The following PLEKHG4B variants were observed in gnomAD, a reference collection of about 807,000 sequenced individuals.
The protein encoded by PLEKHG4B is pleckstrin homology and RhoGEF domain containing G4B.
Under a neutral mutation model 121.3 loss-of-function variants are expected in PLEKHG4B, and 111 were observed. The ratio of observed to expected loss-of-function variants is 0.92; its 90% CI spans 0.78 to 1.07. The LOEUF (loss-of-function observed/expected upper bound fraction) is 1.07. Among genes scored for constraint, PLEKHG4B ranks in the 50% least tolerant of loss-of-function variants. The pLI is 0.00. For synonymous variants in PLEKHG4B, 738 were observed against 725.0 expected, an observed-to-expected ratio of 1.02 and a Z score of -0.29; for missense variants, 1,831 against 1,757.8, an observed-to-expected ratio of 1.04 and a Z score of -0.74.
chr5:170,154 T>C (rs1736495525), intron 14 of PLEKHG4B, among the ~76,000 whole-genome samples: 1 of 152,190 alleles, frequency 6.6e-6, no homozygotes, highest in Non-Finnish European at 1.5e-5. Flanking sequence ...AGTTTTTAAT[T>C]TACTCTGGAA....
intron 1 of PLEKHG4B, among the ~76,000 whole-genome samples, chr5:106,965 G>T (rs1579239007): frequency 6.6e-6 from 1 of 152,254 alleles, no homozygotes; most frequent in Non-Finnish European, 1.5e-5. Context: ...AGACTCATAT[G>T]CAGGATGCAG....
chr5:171,518 C>A, intron 16 of PLEKHG4B, 74 bp downstream of exon 16: 1 of 1,362,314 alleles, frequency 7.3e-7, no homozygotes. Flanking sequence ...GTCTTGGCCC[C>A]AGCAGCACAC....
In PLEKHG4B at chr5:137,861, G is replaced by C. The variant is rs1276466038; in HGVS notation, c.244-1622G>C. 2.0e-5 allele frequency among the ~76,000 whole-genome samples: 3 copies of C among 152,226 alleles called. No individual in the cohort carries two copies. Among genetic ancestry groups the C allele is most frequent in the African/African-American group, 7.2e-5 (3 of 41,462 alleles). On this transcript the variant is annotated intron_variant, in intron 2 of 19. Transcript: ENST00000637938. This position sits in a 1 kb window ranked among gnomAD's most constrained non-coding sequence, Gnocchi z 4.2. ...GGACCGGCAGGTACCTGTCTCTTCT[G>C]GGGTGAAACCTGTGGAGGGGATGGA...
chr5:129,715 G>C (rs1055138463), intron 2 of PLEKHG4B, among the ~76,000 whole-genome samples: 1 of 152,208 alleles, frequency 6.6e-6, no homozygotes, highest in Non-Finnish European at 1.5e-5. Context: ...AGCTCCCAAA[G>C]AGGAAATAAG....
chr5:122,752 A>G (rs1327496354), intron 2 of PLEKHG4B, among the ~76,000 whole-genome samples: 1 of 152,142 alleles, frequency 6.6e-6, no homozygotes, highest in Non-Finnish European at 1.5e-5. Context: ...ACACACAAAA[A>G]TGGAACCTAA....
rs140222947 is a variant in PLEKHG4B at position 120,110 on chromosome 5, A to G, written c.243+6662A>G. Among the ~76,000 whole-genome samples the G allele has an allele frequency of 3.9e-3, 601 of 152,244 alleles. 7 individuals are homozygous for G. The highest frequency in any genetic ancestry group is 0.014 in the African/African-American group (575 of 41,538). On this transcript the variant is annotated intron_variant, in intron 2 of 19. Transcript: ENST00000637938. ...GAATTTTTCTAAAACTTAACCAGTCATGGTGGGTGGTGCATGCCTGTGGTC... is the reference window on the plus strand; with the variant it reads ...GAATTTTTCTAAAACTTAACCAGTCGTGGTGGGTGGTGCATGCCTGTGGTC...
chr5:119,532 A>T (rs1174042206), intron 2 of PLEKHG4B, among the ~76,000 whole-genome samples: 4 of 152,232 alleles, frequency 2.6e-5, no homozygotes, highest in Admixed American at 2.6e-4. Context: ...ATGTGGAGGA[A>T]CATGAAGACC....
chr5:106,161 G>T (rs1162736525), intron 1 of PLEKHG4B, among the ~76,000 whole-genome samples: 1 of 152,186 alleles, frequency 6.6e-6, no homozygotes, highest in East Asian at 1.9e-4. Context: ...CACACTTTTT[G>T]TTGAGGGCCT....
chr5:165,089 G>GGCTCACACTAATGCTGTGACGGGGCGGA lies in PLEKHG4B; in HGVS notation c.3476+1550_3476+1577dup, dbSNP rs1560946093. On this transcript the variant is annotated intron_variant, in intron 13 of 19. Coordinates refer to ENST00000637938, the MANE Select transcript of PLEKHG4B (RefSeq NM_052909.5). ...TCACACTAATGCTCTGACGGGGCGG[G>GGCTCACACTAATGCTGTGACGGGGCGGA]GCTCACACTAATGCTGTGACGGGGC... 8.5e-4 allele frequency among the ~76,000 whole-genome samples: 41 copies of GGCTCACACTAATGCTGTGACGGGGCGGA among 48,304 alleles called. 2 individuals are homozygous for GGCTCACACTAATGCTGTGACGGGGCGGA. The highest frequency in any genetic ancestry group is 1.6e-3 in the Non-Finnish European group (30 of 19,048). 31.7% of individuals were successfully genotyped at this position (48,304 alleles called of 152,430 possible).
chr5:151,739 G>C (rs761765320), intron 7 of PLEKHG4B, 140 bp downstream of exon 7: 2 of 545,674 alleles, frequency 3.7e-6, no homozygotes, highest in South Asian at 7.8e-5. Flanking sequence ...TTCCTACCCC[G>C]TAAGTTCTTG....
At chr5:148,344 C>CAAAAAAAAAAA (rs71590513) in intron 6 of PLEKHG4B, among the ~76,000 whole-genome samples, 1 of 94,326 alleles carries the variant, frequency 1.1e-5, no homozygotes. Context: ...AACAGTTCCA[C>CAAAAAAAAAAA]AAAAAAAAAA....
At chr5:103,884 C>G (rs78224791) in intron 1 of PLEKHG4B, among the ~76,000 whole-genome samples, 3,453 of 152,290 alleles carry the variant, frequency 0.023, 146 homozygotes, top group African/African-American at 0.079. Flanking sequence ...TCCCCAGCCT[C>G]TGGTAACCAC....
chr5:170,527 C>A (rs913554270), intron 14 of PLEKHG4B, among the ~76,000 whole-genome samples: 1 of 152,154 alleles, frequency 6.6e-6, no homozygotes, highest in Non-Finnish European at 1.5e-5. Context: ...GTCTTGAACT[C>A]CCAACCTCCT....
At chr5:115,888 C>T (rs1313047915) in intron 2 of PLEKHG4B, among the ~76,000 whole-genome samples, 1 of 152,220 alleles carries the variant, frequency 6.6e-6, no homozygotes, top group East Asian at 1.9e-4. Context: ...CAAAGACTTT[C>T]TCCATGTCAG....
intron 7 of PLEKHG4B, among the ~76,000 whole-genome samples, chr5:154,272 T>C (rs920784039): frequency 6.6e-6 from 1 of 152,176 alleles, no homozygotes; most frequent in Non-Finnish European, 1.5e-5. Context: ...CCAAAGTGCT[T>C]GGATTACAGG....
intron 11 of PLEKHG4B, among the ~76,000 whole-genome samples, 186 bp from the exon 12 acceptor site, chr5:161,597 T>G (rs1039977273): frequency 8.9e-6 from 1 of 112,282 alleles, no homozygotes; most frequent in Non-Finnish European, 2.0e-5. Context: ...AATCATAGTT[T>G]GGAAAAGAAC....
At position 186,370 on chromosome 5, in the gene PLEKHG4B, G is replaced by A. The variant is rs1045182290; in HGVS notation, c.*4047G>A. ...ATGGGCTTCACCAGCAGACACGAAGGTTTCATTTAGATGGCGAACACGTGT... is the reference window on the plus strand; with the variant it reads ...ATGGGCTTCACCAGCAGACACGAAGATTTCATTTAGATGGCGAACACGTGT... On this transcript the variant is annotated 3_prime_UTR_variant, in exon 20 of 20. Transcript: ENST00000637938. The A allele has an allele frequency of 1.3e-5, 2 of 152,276 alleles. No homozygotes were observed. Among genetic ancestry groups the A allele is most frequent in the Non-Finnish European group, 2.9e-5 (2 of 68,060 alleles). The allele number at this position is 152,276 out of a possible 1,614,324, so 9.4% of individuals were successfully genotyped here.
In PLEKHG4B at chr5:101,430, A is replaced by T. The variant is rs567227655; in HGVS notation, c.45+9154A>T. Among the ~76,000 whole-genome samples the T allele has an allele frequency of 8.1e-4, 87 of 107,270 alleles. 2 individuals are homozygous for T. Among genetic ancestry groups the T allele is most frequent in the South Asian group, 1.1e-3 (4 of 3,652 alleles). The allele number at this position is 107,270 out of a possible 152,430, so 70.4% of individuals were successfully genotyped here. ...TGTAGGGGAGAGACTGTTGTGAGGT[A>T]AATCCATATAAAGCCCGGGGAAAAG... On this transcript the variant is annotated intron_variant, in intron 1 of 19. Coordinates refer to ENST00000637938, the MANE Select transcript of PLEKHG4B (RefSeq NM_052909.5).
Position 94,202 on chromosome 5 carries a change from C to T in PLEKHG4B, c.45+1926C>T, listed in dbSNP as rs553834190. 3.3e-5 allele frequency among the ~76,000 whole-genome samples: 5 copies of T among 152,338 alleles called. No individual in the cohort carries two copies. The East Asian group carries it at 7.7e-4, about 24-fold the overall frequency. ...CTCAAGGGCCCTGAAATTTTGGTGC[C>T]TCTCCTGGCTGATACAGCATCAGTG... On this transcript the variant is annotated intron_variant, in intron 1 of 19. Coordinates refer to ENST00000637938, the MANE Select transcript of PLEKHG4B (RefSeq NM_052909.5).
Sources: gnomAD v4.1 joint callset for allele counts (sites outside exome capture counted in the v4.1 genomes callset) on GRCh38, gnomAD v4.1.1 for gene constraint, Gnocchi (gnomAD v3.1) non-coding constraint, MANE v1.5 for transcripts, NCBI Gene and HGNC (gene_info 2026-07-23, HGNC 2026-07-21) for gene names.